ZBTB1: variants seen among roughly 807,000 people sequenced by gnomAD.
ZBTB1 encodes the protein zinc finger and BTB domain containing 1, also known as zinc finger and BTB domain-containing protein 1.
Under a neutral mutation model 51.6 loss-of-function variants are expected in ZBTB1, and 13 were observed. The ratio of observed to expected loss-of-function variants is 0.25; its 90% CI spans 0.16 to 0.40. The LOEUF (loss-of-function observed/expected upper bound fraction) is 0.40, where lower values mean the gene tolerates loss of function less well. Ranked by LOEUF, ZBTB1 falls within the 10% of genes least tolerant of loss-of-function variation. ZBTB1 has a pLI of 1.00. For synonymous variants in ZBTB1, 240 were observed against 282.2 expected, an observed-to-expected ratio of 0.85 and a Z score of 1.50; for missense variants, 567 against 856.5, an observed-to-expected ratio of 0.66 and a Z score of 4.22.
exon 3 of ZBTB1, chr14:64,532,068 G>T (rs1013246170): frequency 1.4e-5 from 9 of 654,708 alleles, no homozygotes; most frequent in Non-Finnish European, 2.0e-5. Context: ...ACTCAGTAAA[G>T]ATCACTTTGG....
At position 64,524,239 on chromosome 14, in the gene ZBTB1, C is replaced by T; in HGVS notation, c.*593C>T. On this transcript the variant is annotated 3_prime_UTR_variant, in exon 2 of 2. Transcript: ENST00000683701. Reference sequence around the variant, plus strand: ...ACTTGGCCTAAAAAGATTGATGAACCTGAGGAAATTTTTATAAATGAATAT... The same window carrying T: ...ACTTGGCCTAAAAAGATTGATGAACTTGAGGAAATTTTTATAAATGAATAT... 1.0e-6 allele frequency: 1 copy of T among 983,348 alleles called. No homozygotes were observed. 60.9% of individuals were successfully genotyped at this position (983,348 alleles called of 1,614,324 possible).
At chr14:64,530,216 A>C (rs1475390353) in intron 2 of ZBTB1, among the ~76,000 whole-genome samples, 1 of 152,240 alleles carries the variant, frequency 6.6e-6, no homozygotes, top group Non-Finnish European at 1.5e-5. Context: ...TGAGAACAGA[A>C]GAATGAGATT....
At chr14:64,521,107 C>T (rs529174322) in intron 1 of ZBTB1, among the ~76,000 whole-genome samples, 1 of 152,344 alleles carries the variant, frequency 6.6e-6, no homozygotes, top group South Asian at 2.1e-4. Flanking sequence ...AAGCAATCCT[C>T]CTGCCTCGGT....
intron 1 of ZBTB1, among the ~76,000 whole-genome samples, chr14:64,517,882 G>T (rs2079811914): frequency 6.7e-6 from 1 of 148,766 alleles, no homozygotes; most frequent in Admixed American, 6.7e-5. Context: ...CAGCCAGGCT[G>T]GAGTACAGTG....
downstream of ZBTB1, among the ~76,000 whole-genome samples, chr14:64,525,593 T>C (rs1047655652): frequency 3.3e-5 from 5 of 152,184 alleles, no homozygotes; most frequent in Non-Finnish European, 7.4e-5. Flanking sequence ...TCAAAATTTT[T>C]CTTGCAGTGG....
In ZBTB1 at chr14:64,504,828, G is replaced by T; in HGVS notation, c.-137G>T. ...CTCCGCGCAGCCCAGCCCGAGCGCC[G>T]AGCGCCGCGCGCCGCCGCCACTGCA... On this transcript the variant is annotated 5_prime_UTR_variant, in exon 1 of 2. Coordinates refer to ENST00000683701, the MANE Select transcript of ZBTB1 (RefSeq NM_001123329.2). The T allele has an allele frequency of 2.5e-6, 1 of 393,088 alleles. No individual in the cohort carries two copies. The highest frequency in any genetic ancestry group is 1.3e-4 in the South Asian group (1 of 7,774). The allele number at this position is 393,088 out of a possible 1,614,324, so 24.4% of individuals were successfully genotyped here. A position where few individuals can be genotyped will look rare whatever the true frequency, so the allele number is the denominator to read the frequency against.
chr14:64,528,313 C>T (rs953830063), downstream of ZBTB1, among the ~76,000 whole-genome samples: 1 of 145,898 alleles, frequency 6.9e-6, no homozygotes, highest in Non-Finnish European at 1.5e-5. Flanking sequence ...GGGTTTTTAT[C>T]ATGAATTAAA....
downstream of ZBTB1, among the ~76,000 whole-genome samples, chr14:64,528,490 G>A (rs991356410): frequency 2.0e-5 from 3 of 151,714 alleles, no homozygotes; most frequent in Non-Finnish European, 4.4e-5. Context: ...AACAACTTCT[G>A]GGATTGCAGG....
exon 3 of ZBTB1, chr14:64,531,963 C>A (rs2079945236): frequency 6.4e-7 from 1 of 1,574,480 alleles, no homozygotes; most frequent in Non-Finnish European, 8.7e-7. Context: ...TAAGTACAGA[C>A]CCAGGAATAT....
rs1197910754 is a variant in ZBTB1, at chr14:64,522,454, G to A, written c.950G>A (p.Ser317Asn). 1.9e-6 allele frequency: 3 copies of A among 1,614,068 alleles called. No individual in the cohort carries two copies. Among genetic ancestry groups the A allele is most frequent in the Non-Finnish European group, 1.7e-6 (2 of 1,180,002 alleles). The change falls in exon 2 of 2, where the codon AGC (serine) becomes AAC (asparagine). Residue 317 changes from serine to asparagine, a missense_variant. Physicochemically the swap from Ser to Asn is conservative, Grantham distance 46. Transcript: ENST00000683701. The stretch of plus-strand genomic sequence containing the variant: ...TCTGAAATAGCAAGCGAAGAGAAAA[G>A]CAGAGCTGCTGAGAGGAAAAGGATT... ...VESEIASEEK[S>N]RAAERKRIII...
At chr14:64,526,719 G>A (rs1226261941), downstream of ZBTB1, among the ~76,000 whole-genome samples, 3 of 152,078 alleles carry the variant, frequency 2.0e-5, no homozygotes, top group Admixed American at 1.3e-4. Context: ...TCAGAAATGC[G>A]TCTTCATCTC....
rs910679956 is a variant in ZBTB1 at position 64,521,987 on chromosome 14, A to G, written c.483A>G (p.Ala161=). The G allele has an allele frequency of 6.2e-7, 1 of 1,614,266 alleles. No individual in the cohort carries two copies. The highest frequency in any genetic ancestry group is 8.5e-7 in the Non-Finnish European group (1 of 1,180,042). ...GCAATGAAGCCAACAGGTGGTGTGC[A>G]GAGCCAAGTTCAACGGTAAATACAC... The part of the protein sequence containing the change: ...RNGNEANRWC[A]EPSSTVNTPH... Residue 161 remains alanine (A), a synonymous_variant, in exon 2 of 2, where the codon GCA becomes GCG. Transcript: ENST00000683701.
rs369840249 is a variant in ZBTB1 at position 64,506,542 on chromosome 14, AAAC to A, written c.-19+1611_-19+1613del. ...GAGCGAGACTCTGTCTCAAAAAAAC[AAAC>A]AACAACAACAACAAAAACAGGAAAC... On this transcript the variant is annotated intron_variant, in intron 1 of 1. Coordinates refer to ENST00000683701, the MANE Select transcript of ZBTB1 (RefSeq NM_001123329.2). 5.7e-3 allele frequency among the ~76,000 whole-genome samples: 866 copies of A among 152,302 alleles called. 19 individuals are homozygous for A. Among genetic ancestry groups the A allele is most frequent in the Admixed American group, 0.035 (543 of 15,304 alleles).
At chr14:64,533,415 G>A (rs1014294631) in exon 3 of ZBTB1, 3 of 152,410 alleles carry the variant, frequency 2.0e-5, no homozygotes, top group Non-Finnish European at 4.4e-5. Context: ...ATAATTAAAG[G>A]TGCCAGATCA....
At position 64,506,945 on chromosome 14, in the gene ZBTB1, TCTC is replaced by T. The variant is rs1252786744; in HGVS notation, c.-19+2003_-19+2005del. Among the ~76,000 whole-genome samples the T allele has an allele frequency of 2.6e-5, 4 of 152,348 alleles. 1 individual carries two copies. The highest frequency in any genetic ancestry group is 6.8e-3 in the Middle Eastern group (2 of 294). On this transcript the variant is annotated intron_variant, in intron 1 of 1. Transcript: ENST00000683701. ...CTAAATTTTTGTACTGCTTCCTCAT[TCTC>T]CTCTTTTGCCAGGCTCTGGGGAAGA...
rs542704458 is a variant in ZBTB1, at chr14:64,507,182, G to T, written c.-19+2236G>T. Among the ~76,000 whole-genome samples, 3 of 152,164 alleles carry T rather than the reference G, an allele frequency of 2.0e-5. No individual in the cohort carries two copies. The East Asian group carries it at 5.8e-4, about 29-fold the overall frequency. ...TTTTGTTAATAAGCTGCAATCTGTT[G>T]TCTTCCCAAAAAAAATGAGGTATAT... is the stretch of plus-strand genomic sequence containing the variant. On this transcript the variant is annotated intron_variant, in intron 1 of 1. Coordinates refer to ENST00000683701, the MANE Select transcript of ZBTB1 (RefSeq NM_001123329.2).
rs1439011925 is a variant in ZBTB1 at position 64,524,785 on chromosome 14, TGAG to T, written c.*1142_*1144del. 10 of 980,994 alleles carry T rather than the reference TGAG, an allele frequency of 1.0e-5. No individual in the cohort carries two copies. The highest frequency in any genetic ancestry group is 5.2e-4 in the Middle Eastern group (1 of 1,934). The allele number at this position is 980,994 out of a possible 1,614,324, so 60.8% of individuals were successfully genotyped here. A position where few individuals can be genotyped will look rare whatever the true frequency, so the allele number is the denominator to read the frequency against. ...TTTTTCTGTAAAAGACTATAAAACT[TGAG>T]GATTATAAAATAATCACAGAGTATA... is the stretch of plus-strand genomic sequence containing the variant. On this transcript the variant is annotated 3_prime_UTR_variant, in exon 2 of 2. Coordinates refer to ENST00000683701, the MANE Select transcript of ZBTB1 (RefSeq NM_001123329.2).
intron 1 of ZBTB1, chr14:64,505,361 G>A (rs1370250684): frequency 1.3e-5 from 2 of 157,030 alleles, no homozygotes; most frequent in South Asian, 2.1e-4. Flanking sequence ...AAGTGTCCCG[G>A]AGCCCGAGGC....
chr14:64,507,593 C>T (rs917499773), intron 1 of ZBTB1, among the ~76,000 whole-genome samples: 4 of 152,176 alleles, frequency 2.6e-5, no homozygotes, highest in Non-Finnish European at 5.9e-5. Flanking sequence ...GACTCATGTT[C>T]TCTGTTCACA....
Sources: allele counts gnomAD v4.1 joint callset (sites outside exome capture counted in the v4.1 genomes callset), GRCh38; gene constraint gnomAD v4.1.1; transcripts MANE v1.5; gene names NCBI Gene and HGNC (gene_info 2026-07-23, HGNC 2026-07-21).